Variants in THBS2 observed in about 807,000 individuals in gnomAD.
THBS2 encodes thrombospondin-2.
Under a neutral mutation model 135.2 loss-of-function variants are expected in THBS2, and 47 were observed. That is an observed-to-expected ratio of 0.35 (90% CI 0.28 to 0.44). The LOEUF is 0.44. Among genes scored for constraint, THBS2 ranks in the 20% least tolerant of loss-of-function variants. The pLI, the probability that THBS2 is intolerant of heterozygous loss-of-function variation, is 1.00. For missense variants in THBS2, 1,288 were observed against 1,603.1 expected, an observed-to-expected ratio of 0.80 and a Z score of 3.36; for synonymous variants, 639 against 633.8, an observed-to-expected ratio of 1.01 and a Z score of -0.12.
At chr6:169,231,566 G>T (rs899408613) in intron 13 of THBS2, among the ~76,000 whole-genome samples, 1 of 152,178 alleles carries the variant, frequency 6.6e-6, no homozygotes, top group Non-Finnish European at 1.5e-5. Flanking sequence ...ACTGCAACAC[G>T]CTTGGGCTTT....
rs760184394 is a variant in THBS2 at position 169,240,607 on chromosome 6, G to C, written c.892-15C>G. On this transcript the variant is annotated splice_polypyrimidine_tract_variant and intron_variant, in intron 5 of 21. Transcript: ENST00000617924. ...TTATCATTCGACTGGAAAATCAAGT[G>C]AAACATTTAAGTGTAGACAATAATA... The C allele has an allele frequency of 3.7e-6, 6 of 1,613,134 alleles. No individual in the cohort carries two copies. The highest frequency in any genetic ancestry group is 2.2e-5 in the South Asian group (2 of 90,996).
chr6:169,248,832 G>A lies in THBS2; in HGVS notation c.194C>T (p.Pro65Leu). 2 of 1,611,064 alleles carry A rather than the reference G, an allele frequency of 1.2e-6. No homozygotes were observed. Among genetic ancestry groups the A allele is most frequent in the Non-Finnish European group, 1.7e-6 (2 of 1,180,002 alleles). ...CTTGCTGAGGTCATCTGCGTTCACC[G>A]GTGGGATGTAGTCAAAGCGCACGAA... is the stretch of plus-strand genomic sequence containing the variant. ...YRFVRFDYIP[P>L]VNADDLSKIT... The change falls in exon 3 of 22, where the codon CCG becomes CTG. Residue 65 changes from proline to leucine, a missense_variant. By Grantham distance (98) the Pro-to-Leu change is moderately conservative. Coordinates refer to ENST00000617924, the MANE Select transcript of THBS2 (RefSeq NM_003247.5).
At position 169,223,232 on chromosome 6, in the gene THBS2, T is replaced by A. The variant is rs1779497794; in HGVS notation, c.3001+16A>T. On this transcript the variant is annotated intron_variant, in intron 18 of 21. Transcript: ENST00000617924. ...CGGAGAAATGCTGGCACCACCGCCG[T>A]GTCTCAGAGACTCACCTACAGCGAT... The A allele has an allele frequency of 6.2e-7, 1 of 1,604,062 alleles. No individual in the cohort carries two copies. Among genetic ancestry groups the A allele is most frequent in the East Asian group, 2.2e-5 (1 of 44,600 alleles).
Position 169,232,119 on chromosome 6 carries a change from A to C in THBS2, c.2012T>G (p.Phe671Cys), listed in dbSNP as rs757388736. The change falls in exon 13 of 22, where the codon TTC (phenylalanine) becomes TGC (cysteine). Residue 671 changes from phenylalanine (F) to cysteine (C), a missense_variant. This residue lies in a region of THBS2 where 874 missense variants were observed against 1,156.1 expected (regional missense o/e 0.76). Coordinates refer to ENST00000617924, the MANE Select transcript of THBS2 (RefSeq NM_003247.5). The stretch of plus-strand genomic sequence containing the variant: ...CTCGCACTTGTACATGGGGTCGCTG[A>C]AGTGGCCCAGGTAGATGCACTCCGC... ...KHAECIYLGH[F>C]SDPMYKCECQ... The C allele has an allele frequency of 3.1e-6, 5 of 1,614,064 alleles. No homozygotes were observed. In the South Asian group the frequency reaches 5.5e-5, roughly 18 times the overall value.
chr6:169,247,504 T>C (rs181781311), intron 3 of THBS2, among the ~76,000 whole-genome samples: 21 of 148,088 alleles, frequency 1.4e-4, no homozygotes, highest in African/African-American at 4.7e-4. Context: ...TATGCATCTA[T>C]ATGATGTTCA....
At chr6:169,218,960 ATGGATGAGTAGGTGGG>A (rs1779309402) in intron 21 of THBS2, among the ~76,000 whole-genome samples, 1 of 136,072 alleles carries the variant, frequency 7.3e-6, no homozygotes, top group South Asian at 2.7e-4. Flanking sequence ...GAGTGGATGG[ATGGATGAGTAGGTGGG>A]TGGATGAGTG....
intron 10 of THBS2, among the ~76,000 whole-genome samples, chr6:169,233,895 T>C (rs1254384012): frequency 1.5e-5 from 2 of 129,538 alleles, no homozygotes; most frequent in African/African-American, 3.0e-5. Flanking sequence ...TGCCACATTC[T>C]AGACCACACA....
At chr6:169,222,513 G>A (rs373211984) in intron 18 of THBS2, 45 bp from the exon 19 acceptor site, 14 of 1,583,174 alleles carry the variant, frequency 8.8e-6, no homozygotes, top group Non-Finnish European at 1.2e-5. Flanking sequence ...CCTTTCAGGT[G>A]GCCGGGAGTA....
At position 169,232,965 on chromosome 6, in the gene THBS2, G is replaced by A. The variant is rs1466137137; in HGVS notation, c.1704C>T (p.Pro568=). Residue 568 remains proline (P), a synonymous_variant, in exon 11 of 22, where the codon CCC becomes CCT. Coordinates refer to ENST00000617924, the MANE Select transcript of THBS2 (RefSeq NM_003247.5). ...CFPGAQCSSF[P]DGSWSCGSCP... is the part of the protein sequence containing the mutation. ...AGGAGCCGCATGACCAGGACCCATC[G>A]GGGAAGCTGCTGCACTGGGCTCCCG... The A allele has an allele frequency of 1.2e-5, 18 of 1,558,598 alleles. No individual in the cohort carries two copies. Among genetic ancestry groups the A allele is most frequent in the Middle Eastern group, 1.9e-4 (1 of 5,268 alleles).
At chr6:169,245,702 G>A (rs55990812) in intron 4 of THBS2, among the ~76,000 whole-genome samples, 19,727 of 150,894 alleles carry the variant, frequency 0.13, 1,357 homozygotes, top group Middle Eastern at 0.15. Flanking sequence ...TGAGGCAGAA[G>A]AGTGGCGTGA....
rs1295420416 is a variant in THBS2, at chr6:169,217,082, C to T, written c.*740G>A. On this transcript the variant is annotated 3_prime_UTR_variant, in exon 22 of 22. Coordinates refer to ENST00000617924, the MANE Select transcript of THBS2 (RefSeq NM_003247.5). Reference sequence around the variant, plus strand: ...AACCTTTTACTTAAATGAGGTTTTGCCAAATCCACATCTGGAACCGCGTCA... The same window carrying T: ...AACCTTTTACTTAAATGAGGTTTTGTCAAATCCACATCTGGAACCGCGTCA... 1 of 152,218 alleles carries T rather than the reference C, an allele frequency of 6.6e-6. No homozygotes were observed. Among genetic ancestry groups the T allele is most frequent in the East Asian group, 1.9e-4 (1 of 5,198 alleles). 9.4% of individuals were successfully genotyped at this position (152,218 alleles called of 1,614,324 possible).
intron 17 of THBS2, 55 bp downstream of exon 17, chr6:169,225,090 G>C: frequency 6.5e-7 from 1 of 1,546,522 alleles, no homozygotes; most frequent in Non-Finnish European, 8.9e-7. Flanking sequence ...CTCTGCCCTG[G>C]CGGGTTGCTC....
intron 4 of THBS2, among the ~76,000 whole-genome samples, chr6:169,244,112 A>T (rs980371592): frequency 6.6e-6 from 1 of 151,606 alleles, no homozygotes; most frequent in Non-Finnish European, 1.5e-5. Flanking sequence ...ATATGTATAT[A>T]GATCCATACT....
At chr6:169,230,749 G>A (rs538857791) in intron 13 of THBS2, among the ~76,000 whole-genome samples, 1 of 152,204 alleles carries the variant, frequency 6.6e-6, no homozygotes, top group Non-Finnish European at 1.5e-5. Flanking sequence ...CTGACCTTCT[G>A]AAATCAGGGG....
chr6:169,238,404 C>A (rs938867862), intron 7 of THBS2, among the ~76,000 whole-genome samples: 1 of 152,110 alleles, frequency 6.6e-6, no homozygotes, highest in Non-Finnish European at 1.5e-5. Context: ...CCAGTGAATG[C>A]GCCATGACTC....
At chr6:169,238,251 C>G (rs963132262) in intron 7 of THBS2, among the ~76,000 whole-genome samples, 2 of 152,128 alleles carry the variant, frequency 1.3e-5, no homozygotes, top group Non-Finnish European at 2.9e-5. Flanking sequence ...GTGAAAATTA[C>G]AGGTCACTTA....
At chr6:169,240,376 C>G in intron 6 of THBS2, 76 bp downstream of exon 6, 1 of 1,574,350 alleles carries the variant, frequency 6.4e-7, no homozygotes, top group Non-Finnish European at 8.6e-7. Flanking sequence ...TGAACGCTGG[C>G]ATTTCCAGGC....
intron 13 of THBS2, 122 bp from the exon 14 acceptor site, chr6:169,229,801 C>T (rs1779770929): frequency 1.4e-6 from 1 of 729,962 alleles, no homozygotes; most frequent in Non-Finnish European, 2.3e-6. Flanking sequence ...AGTCCTCGAT[C>T]TCAAGCGGGA....
rs1780308408 is a variant in THBS2 at position 169,241,773 on chromosome 6, G to T, written c.880C>A (p.Leu294Ile). Residue 294 changes from leucine to isoleucine, a missense_variant, in exon 5 of 22, where the codon CTC (leucine) becomes ATC (isoleucine). This residue lies in a region of THBS2 where 414 missense variants were observed against 447.0 expected (regional missense o/e 0.93). Transcript: ENST00000617924. The surrounding 1 kb of genome is among the most constrained non-coding windows in gnomAD (Gnocchi z 5.5). Reference protein sequence around the residue: ...HVLVNQLSENLKRVSNDNQFL... With the variant: ...HVLVNQLSENIKRVSNDNQFL... ...GCGTGAGTACCCACCACTCTCTTGAGGTTCTCGCTGAGCTGGTTCACGAGG... is the reference window on the plus strand; with the variant it reads ...GCGTGAGTACCCACCACTCTCTTGATGTTCTCGCTGAGCTGGTTCACGAGG... 1 of 1,609,392 alleles carries T rather than the reference G, an allele frequency of 6.2e-7. No individual in the cohort carries two copies.
Sources: allele counts gnomAD v4.1 joint callset (sites outside exome capture counted in the v4.1 genomes callset), GRCh38; gene constraint gnomAD v4.1.1; regional missense constraint gnomAD v4.1.1; non-coding constraint Gnocchi (gnomAD v3.1); transcripts MANE v1.5; gene names NCBI Gene and HGNC (gene_info 2026-07-23, HGNC 2026-07-21).